The following SOS2 variants were observed in gnomAD, a reference collection of about 807,000 sequenced individuals.
The protein encoded by SOS2 is son of sevenless homolog 2.
In SOS2, 65 loss-of-function variants were observed where a neutral mutation model predicts 148.2. The ratio of observed to expected loss-of-function variants is 0.44; its 90% CI spans 0.36 to 0.54. The LOEUF (loss-of-function observed/expected upper bound fraction) is 0.54. SOS2 is among the 20% of genes least tolerant of loss of function. The pLI is 0.00. For synonymous variants in SOS2, 539 were observed against 537.1 expected (o/e 1.00, Z -0.05); for missense variants, 1,341 against 1,590.2 (o/e 0.84, Z 2.67).
intron 21 of SOS2, among the ~76,000 whole-genome samples, chr14:50,129,009 A>G (rs1461335071): frequency 6.6e-6 from 1 of 152,196 alleles, no homozygotes; most frequent in African/African-American, 2.4e-5. Context: ...TTGCTACTAT[A>G]TATTTTACTA....
At position 50,182,452 on chromosome 14, in the gene SOS2, T is replaced by G; in HGVS notation, c.858+11A>C. ...GCTTTAATGAGAATATAAGTAGTTT[T>G]GTAAACTTACTTCTGCCAAATCTTC... On this transcript the variant is annotated intron_variant, in intron 6 of 22. Coordinates refer to ENST00000216373, the MANE Select transcript of SOS2 (RefSeq NM_006939.4). 1 of 1,613,274 alleles carries G rather than the reference T, an allele frequency of 6.2e-7. No homozygotes were observed. The highest frequency in any genetic ancestry group is 8.5e-7 in the Non-Finnish European group (1 of 1,179,316).
At chr14:50,218,777 G>A (rs1595034675) in intron 1 of SOS2, among the ~76,000 whole-genome samples, 1 of 152,274 alleles carries the variant, frequency 6.6e-6, no homozygotes, top group South Asian at 2.1e-4. Flanking sequence ...TGGTGGGAAT[G>A]TAAAACTATA....
chr14:50,227,248 T>TC (rs1371708836), intron 1 of SOS2, among the ~76,000 whole-genome samples: 4 of 134,592 alleles, frequency 3.0e-5, no homozygotes, highest in African/African-American at 1.2e-4. Context: ...TCTTTCTTTC[T>TC]TTTTTTTTTT....
At chr14:50,126,806 A>G (rs971388561) in intron 21 of SOS2, among the ~76,000 whole-genome samples, 7 of 152,104 alleles carry the variant, frequency 4.6e-5, no homozygotes, top group Non-Finnish European at 8.8e-5. Flanking sequence ...GGAGTCAGAG[A>G]ACATGCTGGG....
intron 1 of SOS2, among the ~76,000 whole-genome samples, chr14:50,209,062 C>G (rs913275541): frequency 6.6e-6 from 1 of 152,188 alleles, no homozygotes; most frequent in Non-Finnish European, 1.5e-5. Context: ...AGAATTCTTT[C>G]TCTCTGCCTG....
At chr14:50,190,324 G>C (rs969971460) in intron 4 of SOS2, among the ~76,000 whole-genome samples, 1 of 152,142 alleles carries the variant, frequency 6.6e-6, no homozygotes, top group Non-Finnish European at 1.5e-5. Context: ...AGGAAATTCT[G>C]ACAACACAAT....
intron 10 of SOS2, among the ~76,000 whole-genome samples, chr14:50,158,980 C>T (rs568731066): frequency 1.3e-5 from 2 of 151,992 alleles, no homozygotes; most frequent in South Asian, 4.2e-4. Context: ...GTCAGGAGAT[C>T]GAAACCATCC....
At chr14:50,194,669 T>C (rs1886260134) in intron 4 of SOS2, among the ~76,000 whole-genome samples, 4 of 150,762 alleles carry the variant, frequency 2.7e-5, no homozygotes, top group Admixed American at 2.6e-4. Flanking sequence ...TCCCAGCTAC[T>C]TGAGAGGCTG....
At chr14:50,231,688 G>A (rs1887555817), upstream of SOS2, 2 of 164,056 alleles carry the variant, frequency 1.2e-5, no homozygotes, top group South Asian at 1.6e-4. Flanking sequence ...CAGCGGCGGC[G>A]GCGGCGGCGG....
chr14:50,184,689 C>T (rs886987802), intron 5 of SOS2, among the ~76,000 whole-genome samples: 2 of 151,964 alleles, frequency 1.3e-5, no homozygotes, highest in African/African-American at 4.8e-5. Context: ...CATGGCAAAA[C>T]CCCATCTCTA....
At chr14:50,158,534 T>G in intron 11 of SOS2, 31 bp downstream of exon 11, 1 of 1,322,114 alleles carries the variant, frequency 7.6e-7, no homozygotes, top group South Asian at 1.2e-5. Flanking sequence ...TCACAAAATG[T>G]CAATATAACT....
At position 50,118,249 on chromosome 14, in the gene SOS2, TA is replaced by T; in HGVS notation, c.*94del. The T allele has an allele frequency of 1.9e-6, 2 of 1,048,580 alleles. No individual in the cohort carries two copies. The highest frequency in any genetic ancestry group is 2.8e-6 in the Non-Finnish European group (2 of 724,980). The allele number at this position is 1,048,580 out of a possible 1,614,324, so 65.0% of individuals were successfully genotyped here. ...AGCATTTTTGTAAGAGCATTATTTG[TA>T]AAAAGTACTAAAATACTATGTCTTT... is the stretch of plus-strand genomic sequence containing the variant. On this transcript the variant is annotated 3_prime_UTR_variant, in exon 23 of 23. Coordinates refer to ENST00000216373, the MANE Select transcript of SOS2 (RefSeq NM_006939.4).
chr14:50,204,226 C>T (rs1281727478), intron 2 of SOS2, 58 bp downstream of exon 2: 10 of 1,062,612 alleles, frequency 9.4e-6, no homozygotes, highest in South Asian at 1.9e-5. Flanking sequence ...GATATAGATA[C>T]AAAAATTAAT....
intron 5 of SOS2, 32 bp downstream of exon 5, chr14:50,188,465 A>T (rs1885999399): frequency 7.1e-7 from 1 of 1,399,242 alleles, no homozygotes; most frequent in Non-Finnish European, 1.0e-6. Context: ...TTTTTGGGGT[A>T]CACAGAATTT....
chr14:50,135,079 AAAAAAAAAAAAAAGAAAG>A (rs1170139093), intron 18 of SOS2, among the ~76,000 whole-genome samples: 1 of 148,644 alleles, frequency 6.7e-6, no homozygotes, highest in African/African-American at 2.5e-5. Context: ...CTCAAAAAAA[AAAAAAAAAAAAAAGAAAG>A]AAAGAAAGAA....
intron 1 of SOS2, among the ~76,000 whole-genome samples, chr14:50,228,334 C>G (rs755641648): frequency 6.6e-6 from 1 of 152,032 alleles, no homozygotes; most frequent in Non-Finnish European, 1.5e-5. Flanking sequence ...TGAGCCACCA[C>G]GCCCACTGAG....
upstream of SOS2, chr14:50,231,638 C>A (rs1049366832): frequency 8.8e-5 from 14 of 159,852 alleles, no homozygotes; most frequent in Non-Finnish European, 1.2e-4. Flanking sequence ...GCTGGCCCAG[C>A]CCCGCCCCGA....
At chr14:50,182,700 G>T (rs1885781897) in intron 5 of SOS2, 94 bp from the exon 6 acceptor site, 4 of 941,420 alleles carry the variant, frequency 4.2e-6, no homozygotes, top group Non-Finnish European at 6.4e-6. Context: ...ACTCGAGGCA[G>T]ACTGCCTATG....
intron 7 of SOS2, among the ~76,000 whole-genome samples, chr14:50,175,127 G>A (rs1046923872): frequency 6.6e-6 from 1 of 152,178 alleles, no homozygotes; most frequent in African/African-American, 2.4e-5. Flanking sequence ...TAATGTCATG[G>A]TCTCAAGGAT....
Sources: gnomAD v4.1 joint callset for allele counts (sites outside exome capture counted in the v4.1 genomes callset) on GRCh38, gnomAD v4.1.1 for gene constraint, MANE v1.5 for transcripts, NCBI Gene and HGNC (gene_info 2026-07-23, HGNC 2026-07-21) for gene names.